Variants in CPVL observed in about 807,000 individuals in gnomAD.
The protein encoded by CPVL is probable serine carboxypeptidase CPVL.
CPVL carries 51 observed loss-of-function variants against 63.7 expected under a neutral mutation model. The observed-to-expected ratio is 0.80, with a 90% confidence interval of 0.64 to 1.01. CPVL has a LOEUF of 1.01. Among genes scored for constraint, CPVL ranks in the 50% least tolerant of loss-of-function variants. CPVL has a pLI of 0.00. For synonymous variants in CPVL, 195 were observed against 206.0 expected, an observed-to-expected ratio of 0.95 and a Z score of 0.46; for missense variants, 530 against 573.1, an observed-to-expected ratio of 0.92 and a Z score of 0.77.
intron 4 of CPVL, 126 bp from the exon 5 acceptor site, chr7:29,095,268 C>G: frequency 1.4e-6 from 1 of 738,450 alleles, no homozygotes; most frequent in Non-Finnish European, 2.4e-6. Context: ...TCTAACAGTG[C>G]TGCACACTCT....
chr7:29,193,667 A>C (rs1484590373), intron 1 of CPVL: 2 of 152,224 alleles, frequency 1.3e-5, no homozygotes, highest in Non-Finnish European at 2.9e-5. Flanking sequence ...TTTAGGTTTA[A>C]ATACAGGGGG....
intron 12 of CPVL, among the ~76,000 whole-genome samples, chr7:28,997,233 G>T (rs912194730): frequency 7.9e-5 from 12 of 152,308 alleles, no homozygotes; most frequent in African/African-American, 2.9e-4. Context: ...AGAATGGACA[G>T]GAGGTACCAG....
intron 11 of CPVL, among the ~76,000 whole-genome samples, chr7:29,052,676 G>A (rs1444265195): frequency 3.9e-5 from 6 of 152,242 alleles, no homozygotes; most frequent in East Asian, 1.9e-4. Context: ...TTGGGAGGTC[G>A]AGGCGGGCGG....
rs1303727144 is a variant in CPVL, at chr7:29,041,156, G to A, written c.1138-10397C>T. On this transcript the variant is annotated intron_variant, in intron 11 of 12. Coordinates refer to ENST00000265394, the MANE Select transcript of CPVL (RefSeq NM_031311.5). ...TTTTTTTTTTTTTTTTTTTGAGACA[G>A]GGTCTTGCTCTGTCACCCAGGCTGG... 3.6e-5 allele frequency among the ~76,000 whole-genome samples: 5 copies of A among 138,762 alleles called. No homozygotes were observed. In the East Asian group the frequency reaches 1.0e-3, roughly 28 times the overall value. The allele number at this position is 138,762 out of a possible 152,430, so 91.0% of individuals were successfully genotyped here.
In CPVL at chr7:29,112,993, T is replaced by C. The variant is rs570583119; in HGVS notation, c.170-171A>G. On this transcript the variant is annotated intron_variant, in intron 2 of 12. Transcript: ENST00000265394. Reference sequence around the variant, plus strand: ...CAGCCTGCCCCTGGCCAATCCCACATAGTCCACGTTCACAATTTAGCCAAG... The same window carrying C: ...CAGCCTGCCCCTGGCCAATCCCACACAGTCCACGTTCACAATTTAGCCAAG... 4.1e-5 allele frequency: 22 copies of C among 538,284 alleles called. No homozygotes were observed. The South Asian group carries it at 5.8e-4, about 14-fold the overall frequency. The allele number at this position is 538,284 out of a possible 1,614,324, so 33.3% of individuals were successfully genotyped here.
intron 7 of CPVL, among the ~76,000 whole-genome samples, chr7:29,085,142 T>C (rs1463256418): frequency 6.6e-6 from 1 of 152,228 alleles, no homozygotes; most frequent in Non-Finnish European, 1.5e-5. Flanking sequence ...TGCTTAGCAC[T>C]TGCTTTTTAA....
intron 4 of CPVL, among the ~76,000 whole-genome samples, chr7:29,183,900 A>T (rs1798376681): frequency 6.6e-6 from 1 of 152,338 alleles, no homozygotes; most frequent in East Asian, 1.9e-4. Context: ...AACAACAATT[A>T]AAAATGATAC....
chr7:29,034,503 T>C (rs986459285), intron 11 of CPVL, among the ~76,000 whole-genome samples: 12 of 152,192 alleles, frequency 7.9e-5, no homozygotes, highest in African/African-American at 2.9e-4. Context: ...ATGTGTGCCA[T>C]GGTGGTTTGC....
intron 8 of CPVL, 145 bp downstream of exon 8, chr7:29,072,156 T>C: frequency 1.0e-6 from 1 of 963,782 alleles, no homozygotes; most frequent in South Asian, 1.7e-5. Context: ...TTGAAACATT[T>C]GGTAAAAATT....
At position 29,138,397 on chromosome 7, in the gene CPVL, G is replaced by A. The variant is rs771666757; in HGVS notation, c.-11+8032C>T. ...AGAGGTTGCAGTGATCCAAGACCAC[G>A]CTGCTGCACTCCAGCCTGGGCAAAA... On this transcript the variant is annotated intron_variant, in intron 1 of 12. Coordinates refer to ENST00000265394, the MANE Select transcript of CPVL (RefSeq NM_031311.5). Among the ~76,000 whole-genome samples, 38 of 152,192 alleles carry A rather than the reference G, an allele frequency of 2.5e-4. 1 individual carries two copies. Among genetic ancestry groups the A allele is most frequent in the Admixed American group, 2.0e-4 (3 of 15,284 alleles).
At chr7:29,015,069 C>G (rs376282438) in intron 12 of CPVL, among the ~76,000 whole-genome samples, 1 of 152,296 alleles carries the variant, frequency 6.6e-6, no homozygotes, top group South Asian at 2.1e-4. Context: ...TGTGTGTAGT[C>G]AAGAAACAAA....
intron 12 of CPVL, among the ~76,000 whole-genome samples, chr7:29,025,700 C>T (rs1296251451): frequency 6.6e-6 from 1 of 152,086 alleles, no homozygotes. Context: ...AGTAGCTGTA[C>T]TTAGATAAAA....
At chr7:29,125,467 A>C (rs1253224256) in intron 1 of CPVL, among the ~76,000 whole-genome samples, 2 of 138,940 alleles carry the variant, frequency 1.4e-5, no homozygotes, top group Non-Finnish European at 3.0e-5. Context: ...ATCTCAGCTC[A>C]CTACAACCTC....
intron 5 of CPVL, among the ~76,000 whole-genome samples, chr7:29,166,746 AT>A (rs1017265854): frequency 1.1e-4 from 17 of 151,952 alleles, no homozygotes; most frequent in African/African-American, 3.9e-4. Flanking sequence ...TATCATTTCT[AT>A]TTTTTTCTTG....
At chr7:29,071,158 A>G (rs1298766144) in intron 9 of CPVL, among the ~76,000 whole-genome samples, 4 of 152,234 alleles carry the variant, frequency 2.6e-5, no homozygotes, top group African/African-American at 9.6e-5. Context: ...TATTTAGTAT[A>G]TTCTTACATT....
At chr7:29,052,375 C>T (rs999788270) in intron 11 of CPVL, among the ~76,000 whole-genome samples, 5 of 147,056 alleles carry the variant, frequency 3.4e-5, no homozygotes, top group African/African-American at 1.0e-4. Flanking sequence ...TTTCCAATAA[C>T]CAACTCGAGT....
intron 3 of CPVL, among the ~76,000 whole-genome samples, chr7:29,098,192 G>C (rs117626005): frequency 6.6e-6 from 1 of 152,168 alleles, no homozygotes; most frequent in African/African-American, 2.4e-5. Context: ...TGGATGGCGG[G>C]AGAAGGCTGA....
intron 12 of CPVL, among the ~76,000 whole-genome samples, chr7:29,028,396 G>A (rs1787696257): frequency 1.3e-5 from 2 of 152,074 alleles, no homozygotes; most frequent in Admixed American, 1.3e-4. Context: ...ACCACTAGAA[G>A]AAAACAGGGG....
intron 1 of CPVL, chr7:29,145,923 C>A (rs374626206): frequency 1.3e-5 from 2 of 152,186 alleles, no homozygotes; most frequent in Admixed American, 6.5e-5. Context: ...TAAAAGTCTT[C>A]CTATGCGTTC....
Sources: allele counts gnomAD v4.1 joint callset (sites outside exome capture counted in the v4.1 genomes callset), GRCh38; gene constraint gnomAD v4.1.1; transcripts MANE v1.5; gene names NCBI Gene and HGNC (gene_info 2026-07-23, HGNC 2026-07-21).